The following PITPNM2 variants were observed in gnomAD, a reference collection of about 807,000 sequenced individuals.
PITPNM2 encodes membrane-associated phosphatidylinositol transfer protein 2.
PITPNM2 carries 35 observed loss-of-function variants against 132.2 expected under a neutral mutation model. The observed-to-expected ratio is 0.26, with a 90% confidence interval of 0.20 to 0.35. The LOEUF is 0.35. Ranked by LOEUF, PITPNM2 falls within the 10% of genes least tolerant of loss-of-function variation. PITPNM2 has a pLI of 1.00. For missense variants in PITPNM2, 1,332 were observed against 1,912.0 expected, an observed-to-expected ratio of 0.70 and a Z score of 5.66; for synonymous variants, 738 against 799.2, an observed-to-expected ratio of 0.92 and a Z score of 1.29.
chr12:123,056,462 C>T (rs2041029406), intron 2 of PITPNM2, among the ~76,000 whole-genome samples: 1 of 152,182 alleles, frequency 6.6e-6, no homozygotes, highest in South Asian at 2.1e-4. Context: ...CCTTAGCATA[C>T]AGGTATGTGG....
intron 2 of PITPNM2, among the ~76,000 whole-genome samples, chr12:123,061,983 T>C (rs947133761): frequency 4.6e-5 from 7 of 152,084 alleles, no homozygotes; most frequent in Non-Finnish European, 8.8e-5. Flanking sequence ...AACTACGGTG[T>C]AGAGGTAGGC....
At chr12:123,025,455 CAA>C (rs2039827118) in intron 3 of PITPNM2, among the ~76,000 whole-genome samples, 1 of 138,664 alleles carries the variant, frequency 7.2e-6, no homozygotes, top group Non-Finnish European at 1.5e-5. Context: ...TTTTTTGAGA[CAA>C]AGTTTCGCTC....
rs781517539 is a variant in PITPNM2 at position 123,108,303 on chromosome 12, C to T, written c.-96+2082G>A. ...CCTTCGGATGAGGTGAGCTGCAAGG[C>T]CATGGTCTCTGCAAAGCCACTGCAC... On this transcript the variant is annotated intron_variant, in intron 2 of 25. Transcript: ENST00000320201. The surrounding 1 kb of genome is among the most constrained non-coding windows in gnomAD (Gnocchi z 4.4). 6.6e-6 allele frequency among the ~76,000 whole-genome samples: 1 copy of T among 152,156 alleles called. No individual in the cohort carries two copies. The highest frequency in any genetic ancestry group is 1.5e-5 in the Non-Finnish European group (1 of 68,014).
chr12:123,030,248 A>G (rs2040033862), intron 3 of PITPNM2, among the ~76,000 whole-genome samples: 1 of 152,194 alleles, frequency 6.6e-6, no homozygotes, highest in Non-Finnish European at 1.5e-5. Flanking sequence ...GAGGATGTGG[A>G]GAAACTGGAA....
At chr12:123,148,122 A>T (rs2043655815) in intron 1 of PITPNM2, among the ~76,000 whole-genome samples, 1 of 152,198 alleles carries the variant, frequency 6.6e-6, no homozygotes, top group Non-Finnish European at 1.5e-5. Context: ...ATTTGATAAC[A>T]TTCCAGGGTA....
At chr12:123,137,714 G>A (rs2043411156) in intron 1 of PITPNM2, among the ~76,000 whole-genome samples, 1 of 151,818 alleles carries the variant, frequency 6.6e-6, no homozygotes, top group Admixed American at 6.6e-5. Flanking sequence ...CCAACAAAGT[G>A]AAACCCCATC....
chr12:122,989,855 G>T lies in PITPNM2; in HGVS notation c.2663C>A (p.Pro888His). The stretch of plus-strand genomic sequence containing the variant: ...GCCAGGGCTTGCCTTCCTGGCTGGA[G>T]GGTGGGGGCCAGGGGTGGTGGGGCT... ...APSPTTPGPH[P>H]PARKASPGLE... Residue 888 changes from proline (P) to histidine (H), a missense_variant, in exon 18 of 26, where the codon CCT (proline) becomes CAT (histidine). Physicochemically the swap from Pro to His is moderately conservative, Grantham distance 77. Around this residue, in one of 6 missense-constraint regions of PITPNM2, gnomAD observed 710 missense variants for 911.5 expected, o/e 0.78. Transcript: ENST00000320201. 7.2e-7 allele frequency: 1 copy of T among 1,395,958 alleles called. No individual in the cohort carries two copies. Among genetic ancestry groups the T allele is most frequent in the South Asian group, 1.8e-5 (1 of 55,434 alleles). 86.5% of individuals were successfully genotyped at this position (1,395,958 alleles called of 1,614,324 possible).
intron 3 of PITPNM2, among the ~76,000 whole-genome samples, chr12:123,015,818 C>T (rs1231047579): frequency 6.6e-6 from 1 of 152,048 alleles, no homozygotes; most frequent in Non-Finnish European, 1.5e-5. Context: ...AAAAGACAAC[C>T]CACCAAATGG....
At chr12:123,105,946 C>T (rs774867370) in intron 2 of PITPNM2, among the ~76,000 whole-genome samples, 1 of 152,190 alleles carries the variant, frequency 6.6e-6, no homozygotes, top group Non-Finnish European at 1.5e-5. Context: ...GCCTCACATG[C>T]CCTCAGGTAG....
At chr12:123,010,915 G>A (rs768483927) in intron 5 of PITPNM2, among the ~76,000 whole-genome samples, 3 of 152,218 alleles carry the variant, frequency 2.0e-5, no homozygotes, top group Non-Finnish European at 2.9e-5. Context: ...TGAGAGCAGG[G>A]GCAGATGCCA....
chr12:123,136,784 C>T (rs1402151040), intron 1 of PITPNM2, among the ~76,000 whole-genome samples: 1 of 152,162 alleles, frequency 6.6e-6, no homozygotes, highest in African/African-American at 2.4e-5. Flanking sequence ...GTAGTCCCAG[C>T]TATTCAGGAG....
intron 17 of PITPNM2, among the ~76,000 whole-genome samples, chr12:122,990,210 G>A (rs536642000): frequency 7.0e-4 from 106 of 152,264 alleles, no homozygotes; most frequent in Admixed American, 1.4e-3. Flanking sequence ...AAGGGAACCC[G>A]GGCTGTGCTT....
Position 123,013,956 on chromosome 12 carries a change from A to T in PITPNM2, c.165T>A (p.Ser55=). 3 of 1,614,264 alleles carry T rather than the reference A, an allele frequency of 1.9e-6. No homozygotes were observed. The highest frequency in any genetic ancestry group is 1.7e-6 in the Non-Finnish European group (2 of 1,180,046). The change falls in exon 4 of 26, where the codon TCT becomes TCA. Residue 55 remains serine, a synonymous_variant. Transcript: ENST00000320201. ...GATACACCTTGTGTGTGTACTGCCC[A>T]GAGCCGCCTGGGCCATCTGTGTACG... ...NRPYTDGPGG[S]GQYTHKVYHV... is the part of the protein sequence containing the mutation.
chr12:123,039,949 T>C (rs1165083084), intron 2 of PITPNM2, among the ~76,000 whole-genome samples: 1 of 152,160 alleles, frequency 6.6e-6, no homozygotes, highest in Non-Finnish European at 1.5e-5. Flanking sequence ...CTGAGCAACG[T>C]GGTGAAACCC....
intron 18 of PITPNM2, 53 bp downstream of exon 18, chr12:122,989,734 G>A: frequency 2.3e-6 from 3 of 1,333,110 alleles, no homozygotes; most frequent in Non-Finnish European, 2.9e-6. Context: ...GGCAGTGAGG[G>A]GTGCTCAGCA....
At chr12:123,074,480 C>A (rs1474469976) in intron 2 of PITPNM2, among the ~76,000 whole-genome samples, 1 of 151,834 alleles carries the variant, frequency 6.6e-6, no homozygotes, top group African/African-American at 2.4e-5. Flanking sequence ...ACACAACATA[C>A]CACACATGCA....
In PITPNM2 at chr12:123,010,037, C is replaced by G; in HGVS notation, c.456G>C (p.Glu152Asp). ...DIVKDPVPHN[E>D]YKTEEDPKLF... ...GCTTGGGGTCCTCTTCTGTCTTATA[C>G]TCGTTGTGGGGCACAGGGTCTTTGA... is the stretch of plus-strand genomic sequence containing the variant. Residue 152 changes from glutamate to aspartate, a missense_variant, in exon 6 of 26, where the codon GAG (glutamate) becomes GAC (aspartate). By Grantham distance (45) the Glu-to-Asp change is conservative. Transcript: ENST00000320201. The G allele has an allele frequency of 6.2e-7, 1 of 1,614,186 alleles. No individual in the cohort carries two copies. Among genetic ancestry groups the G allele is most frequent in the Non-Finnish European group, 8.5e-7 (1 of 1,180,024 alleles).
chr12:123,148,836 AG>A (rs2043671337), intron 1 of PITPNM2, among the ~76,000 whole-genome samples: 1 of 152,148 alleles, frequency 6.6e-6, no homozygotes, highest in Non-Finnish European at 1.5e-5. Context: ...AAATCAGACT[AG>A]GGTGGTTCGA....
Position 123,108,464 on chromosome 12 carries a change from C to G in PITPNM2, c.-96+1921G>C, listed in dbSNP as rs961267281. Among the ~76,000 whole-genome samples the G allele has an allele frequency of 6.6e-6, 1 of 152,054 alleles. No homozygotes were observed. Among genetic ancestry groups the G allele is most frequent in the African/African-American group, 2.4e-5 (1 of 41,404 alleles). On this transcript the variant is annotated intron_variant, in intron 2 of 25. Coordinates refer to ENST00000320201, the MANE Select transcript of PITPNM2 (RefSeq NM_020845.3). This position sits in a 1 kb window ranked among gnomAD's most constrained non-coding sequence, Gnocchi z 4.4. ...CCATGCAGGGCAGAAGAGCTCTCAC[C>G]GGGCCCTGCCTCGACTTGGCAGCCA...
Sources: allele counts gnomAD v4.1 joint callset (sites outside exome capture counted in the v4.1 genomes callset), GRCh38; gene constraint gnomAD v4.1.1; regional missense constraint gnomAD v4.1.1; non-coding constraint Gnocchi (gnomAD v3.1); transcripts MANE v1.5; gene names NCBI Gene and HGNC (gene_info 2026-07-23, HGNC 2026-07-21).